Variants in IRF8 observed in about 807,000 individuals in gnomAD.
IRF8 encodes interferon regulatory factor 8.
IRF8 carries 14 observed loss-of-function variants against 48.7 expected under a neutral mutation model. That is an observed-to-expected ratio of 0.29 (90% CI 0.19 to 0.45). The LOEUF is 0.45. Ranked by LOEUF, IRF8 falls within the 20% of genes least tolerant of loss-of-function variation. The probability of loss-of-function intolerance (pLI) is 1.00; values close to 1 mark genes in which losing one functional copy is unlikely to be tolerated. For synonymous variants in IRF8, 278 were observed against 227.3 expected, an observed-to-expected ratio of 1.22 and a Z score of -2.01; for missense variants, 493 against 580.7, an observed-to-expected ratio of 0.85 and a Z score of 1.55.
intron 1 of IRF8, chr16:85,901,279 G>T (rs769091992): frequency 6.6e-6 from 1 of 152,174 alleles, no homozygotes; most frequent in African/African-American, 2.4e-5. Flanking sequence ...TTCAAGTGAC[G>T]TCACAAGGTC....
chr16:85,918,634 C>T lies in IRF8; in HGVS notation c.819C>T (p.His273=). The stretch of plus-strand genomic sequence containing the variant: ...AGGTGACGCGGAAGCTGTTCGGGCA[C>T]CTGGAGCGCGGGGTGCTGCTGCACA... ...QRQVTRKLFG[H]LERGVLLHSS... Residue 273 remains histidine, a synonymous_variant, in exon 7 of 9, where the codon CAC becomes CAT. Coordinates refer to ENST00000268638, the MANE Select transcript of IRF8 (RefSeq NM_002163.4). The T allele has an allele frequency of 6.2e-7, 1 of 1,608,920 alleles. No homozygotes were observed. The highest frequency in any genetic ancestry group is 8.5e-7 in the Non-Finnish European group (1 of 1,179,568).
chr16:85,914,428 C>T, intron 5 of IRF8, 45 bp from the exon 6 acceptor site: 1 of 1,613,396 alleles, frequency 6.2e-7, no homozygotes, highest in Non-Finnish European at 8.5e-7. Flanking sequence ...TCCCTGTACA[C>T]CACACCTGGG....
chr16:85,901,318 C>T (rs1904820002), intron 1 of IRF8: 1 of 152,220 alleles, frequency 6.6e-6, no homozygotes, highest in Admixed American at 6.5e-5. Context: ...TGCCAGAGTT[C>T]AGAGTTTTCA....
chr16:85,919,432 C>T (rs1188132823), intron 7 of IRF8, among the ~76,000 whole-genome samples: 17 of 152,188 alleles, frequency 1.1e-4, no homozygotes, highest in Admixed American at 1.1e-3. Context: ...TGTCAGGTCT[C>T]AGCTGCCACT....
chr16:85,915,771 G>A (rs1399874310), intron 6 of IRF8, among the ~76,000 whole-genome samples: 2 of 152,210 alleles, frequency 1.3e-5, no homozygotes, highest in Non-Finnish European at 2.9e-5. Context: ...GGGCTGTGGA[G>A]TAGCCAGGCA....
At chr16:85,903,370 C>A in intron 2 of IRF8, 181 bp downstream of exon 2, 1 of 632,534 alleles carries the variant, frequency 1.6e-6, no homozygotes, top group Non-Finnish European at 2.8e-6. Flanking sequence ...GATTTCACAT[C>A]TTTTGAATTA....
intron 2 of IRF8, among the ~76,000 whole-genome samples, chr16:85,905,908 T>G (rs914869793): frequency 5.9e-5 from 9 of 152,210 alleles, no homozygotes; most frequent in African/African-American, 2.2e-4. Context: ...GCAGGCATCA[T>G]CCTGAGGCCG....
intron 6 of IRF8, among the ~76,000 whole-genome samples, chr16:85,916,507 A>C (rs1001823857): frequency 2.6e-5 from 4 of 152,192 alleles, no homozygotes; most frequent in African/African-American, 9.7e-5. Context: ...CTCACCTGTC[A>C]GGTACAAGCC....
Position 85,913,232 on chromosome 16 carries a change from C to A in IRF8, c.549C>A (p.Ser183Arg). Residue 183 changes from serine to arginine, a missense_variant, in exon 5 of 9, where the codon AGC (serine) becomes AGA (arginine). By Grantham distance (110) the Ser-to-Arg change is moderately radical. Transcript: ENST00000268638. ...LLPDWWAQQP[S>R]TGVPLVTGYT... ...CAGACTGGTGGGCGCAGCAGCCCAG[C>A]ACAGGTGAGGGTGGGTGGCCTAGAA... 6.2e-7 allele frequency: 1 copy of A among 1,611,322 alleles called. No homozygotes were observed. The highest frequency in any genetic ancestry group is 8.5e-7 in the Non-Finnish European group (1 of 1,177,488).
chr16:85,905,363 G>A (rs558071083), intron 2 of IRF8, among the ~76,000 whole-genome samples: 1 of 152,330 alleles, frequency 6.6e-6, no homozygotes, highest in South Asian at 2.1e-4. Flanking sequence ...TGTGCTCGGG[G>A]GGTAATGAAA....
chr16:85,911,136 C>T (rs1258935459), intron 3 of IRF8, among the ~76,000 whole-genome samples: 1 of 152,224 alleles, frequency 6.6e-6, no homozygotes, highest in Non-Finnish European at 1.5e-5. Flanking sequence ...AAGAGATTTC[C>T]TGCCAACTGG....
intron 7 of IRF8, among the ~76,000 whole-genome samples, chr16:85,919,420 A>G (rs1388747519): frequency 6.6e-6 from 1 of 152,084 alleles, no homozygotes; most frequent in African/African-American, 2.4e-5. Flanking sequence ...AGCCCGAGAT[A>G]GTGTCAGGTC....
At chr16:85,913,869 C>T (rs8064111) in intron 5 of IRF8, 16,502 of 172,472 alleles carry the variant, frequency 0.096, 1,034 homozygotes, top group Non-Finnish European at 0.13. Flanking sequence ...CACTCAGAAC[C>T]CCCAGCTGCT....
intron 7 of IRF8, 58 bp from the exon 8 acceptor site, chr16:85,920,051 G>T: frequency 3.2e-6 from 4 of 1,233,080 alleles, no homozygotes; most frequent in Admixed American, 1.8e-5. Context: ...CTGCTGCTGC[G>T]GGAGTTGGAG....
At chr16:85,919,125 C>T (rs1048664223) in intron 7 of IRF8, among the ~76,000 whole-genome samples, 4 of 152,092 alleles carry the variant, frequency 2.6e-5, no homozygotes, top group Non-Finnish European at 5.9e-5. Context: ...GGTCCCTGAG[C>T]GCTGGCTAGA....
chr16:85,908,897 G>T, intron 2 of IRF8, 93 bp from the exon 3 acceptor site: 1 of 1,079,110 alleles, frequency 9.3e-7, no homozygotes, highest in Non-Finnish European at 1.4e-6. Flanking sequence ...AGATTCATGG[G>T]AAGGGAAGGA....
chr16:85,900,298 T>C (rs1388631701), intron 1 of IRF8, among the ~76,000 whole-genome samples: 1 of 152,228 alleles, frequency 6.6e-6, no homozygotes, highest in African/African-American at 2.4e-5. Context: ...CTGGAAAGCC[T>C]GACTGCTGTA....
intron 6 of IRF8, among the ~76,000 whole-genome samples, 188 bp downstream of exon 6, chr16:85,914,708 G>A (rs1051973790): frequency 6.6e-6 from 1 of 151,902 alleles, no homozygotes; most frequent in African/African-American, 2.4e-5. Flanking sequence ...AGGACCTGGT[G>A]TGGAAGTCTA....
chr16:85,912,409 A>G (rs367587107), intron 4 of IRF8, among the ~76,000 whole-genome samples: 1 of 152,226 alleles, frequency 6.6e-6, no homozygotes, highest in African/African-American at 2.4e-5. Context: ...TTAATAACAT[A>G]GCAATAATGG....
Sources: gnomAD v4.1 joint callset for allele counts (sites outside exome capture counted in the v4.1 genomes callset) on GRCh38, gnomAD v4.1.1 for gene constraint, MANE v1.5 for transcripts, NCBI Gene and HGNC (gene_info 2026-07-23, HGNC 2026-07-21) for gene names.